DNM3: variants seen among roughly 807,000 people sequenced by gnomAD.
DNM3 encodes dynamin 3.
Under a neutral mutation model 101.6 loss-of-function variants are expected in DNM3, and 47 were observed. That is an observed-to-expected ratio of 0.46 (90% CI 0.37 to 0.59). The LOEUF (loss-of-function observed/expected upper bound fraction) is 0.59, where lower values mean the gene tolerates loss of function less well. Among genes scored for constraint, DNM3 ranks in the 20% least tolerant of loss-of-function variants. The pLI, the probability that DNM3 is intolerant of heterozygous loss-of-function variation, is 0.00. For synonymous variants in DNM3, 385 were observed against 387.9 expected, an observed-to-expected ratio of 0.99 and a Z score of 0.09; for missense variants, 849 against 1,085.7, an observed-to-expected ratio of 0.78 and a Z score of 3.06.
At chr1:172,275,948 A>G (rs1027666925) in intron 15 of DNM3, among the ~76,000 whole-genome samples, 7 of 152,156 alleles carry the variant, frequency 4.6e-5, no homozygotes, top group Admixed American at 4.6e-4. Flanking sequence ...CTGAATTAGT[A>G]ATGTGTAAAA....
At chr1:172,125,796 T>G (rs200155442) in intron 13 of DNM3, among the ~76,000 whole-genome samples, 1 of 152,176 alleles carries the variant, frequency 6.6e-6, no homozygotes, top group African/African-American at 2.4e-5. Flanking sequence ...TAAGTGGCTG[T>G]TGTAGTGGAC....
Position 172,359,037 on chromosome 1 carries a change from T to C in DNM3, c.1894-19981T>C, listed in dbSNP as rs191355957. On this transcript the variant is annotated intron_variant, in intron 17 of 20. Transcript: ENST00000627582. ...TCACTTAGCATGGTGAGATTTCACC[T>C]GGTTGCCCCTCTGGTGGCTCAGACG... Among the ~76,000 whole-genome samples, 3 of 152,032 alleles carry C rather than the reference T, an allele frequency of 2.0e-5. No homozygotes were observed. The East Asian group carries it at 5.8e-4, about 30-fold the overall frequency.
chr1:172,256,488 C>G (rs969080239), intron 15 of DNM3, among the ~76,000 whole-genome samples: 1 of 151,916 alleles, frequency 6.6e-6, no homozygotes, highest in African/African-American at 2.4e-5. Flanking sequence ...ATATATTGCA[C>G]CAACTATTTC....
At chr1:172,249,806 T>G (rs1035395244) in intron 14 of DNM3, among the ~76,000 whole-genome samples, 1 of 152,174 alleles carries the variant, frequency 6.6e-6, no homozygotes. Context: ...CTCCATAACA[T>G]AGAATATTAT....
intron 1 of DNM3, among the ~76,000 whole-genome samples, chr1:171,860,281 C>G (rs894637975): frequency 1.3e-5 from 2 of 152,048 alleles, no homozygotes; most frequent in African/African-American, 2.4e-5. Context: ...GTACATGAAG[C>G]TACTTTTTCA....
intron 4 of DNM3, among the ~76,000 whole-genome samples, chr1:171,994,451 A>G (rs1034632106): frequency 1.3e-5 from 2 of 152,242 alleles, no homozygotes; most frequent in East Asian, 1.9e-4. Flanking sequence ...CTCAATGTGC[A>G]TTTTGGGGTA....
At chr1:171,958,766 A>G (rs1296828946) in intron 2 of DNM3, among the ~76,000 whole-genome samples, 5 of 152,204 alleles carry the variant, frequency 3.3e-5, no homozygotes, top group Non-Finnish European at 5.9e-5. Context: ...GGGGGAGATC[A>G]ATAAATTTTT....
chr1:172,391,580 C>T (rs2069534134), intron 20 of DNM3, among the ~76,000 whole-genome samples: 1 of 152,180 alleles, frequency 6.6e-6, no homozygotes, highest in Non-Finnish European at 1.5e-5. Context: ...TCACCTTATT[C>T]TGTTTGTTTA....
At chr1:172,202,144 A>G (rs2060177142) in intron 14 of DNM3, among the ~76,000 whole-genome samples, 1 of 152,156 alleles carries the variant, frequency 6.6e-6, no homozygotes, top group African/African-American at 2.4e-5. Context: ...ATTCCTCTCC[A>G]TGAGAGGCAT....
At chr1:172,315,449 GA>G (rs1557981404) in intron 16 of DNM3, among the ~76,000 whole-genome samples, 1 of 152,206 alleles carries the variant, frequency 6.6e-6, no homozygotes, top group Non-Finnish European at 1.5e-5. Flanking sequence ...CGAGCTACAG[GA>G]GGAAATTCAA....
chr1:171,899,245 G>C (rs1317437201), intron 1 of DNM3, among the ~76,000 whole-genome samples: 1 of 152,222 alleles, frequency 6.6e-6, no homozygotes, highest in Non-Finnish European at 1.5e-5. Context: ...CACTGGATCT[G>C]TAACTCCTTT....
intron 14 of DNM3, among the ~76,000 whole-genome samples, chr1:172,172,372 G>A (rs2058994336): frequency 1.3e-5 from 2 of 151,478 alleles, no homozygotes; most frequent in Admixed American, 6.6e-5. Context: ...TCTGATAACC[G>A]AGACAGCTAC....
At chr1:172,357,764 C>T (rs2067526335) in intron 17 of DNM3, among the ~76,000 whole-genome samples, 1 of 152,044 alleles carries the variant, frequency 6.6e-6, no homozygotes, top group Admixed American at 6.6e-5. Context: ...TAATTTTCAA[C>T]CTTTTAATAA....
chr1:171,979,299 T>A (rs1289816900), intron 2 of DNM3, among the ~76,000 whole-genome samples: 1 of 152,164 alleles, frequency 6.6e-6, no homozygotes, highest in Non-Finnish European at 1.5e-5. Flanking sequence ...GGAATATAGT[T>A]TATCTTTTAT....
intron 13 of DNM3, among the ~76,000 whole-genome samples, chr1:172,118,898 G>T (rs1347900472): frequency 6.6e-6 from 1 of 152,008 alleles, no homozygotes; most frequent in East Asian, 1.9e-4. Context: ...AAAGACAAAG[G>T]CCTGGCACAG....
At chr1:172,010,435 T>G (rs2047030809) in intron 4 of DNM3, among the ~76,000 whole-genome samples, 1 of 151,806 alleles carries the variant, frequency 6.6e-6, no homozygotes, top group African/African-American at 2.4e-5. Context: ...ATTGCCTTTA[T>G]TTTTAAAATA....
chr1:172,312,469 A>G (rs966750867), intron 16 of DNM3, among the ~76,000 whole-genome samples: 1 of 152,156 alleles, frequency 6.6e-6, no homozygotes, highest in African/African-American at 2.4e-5. Flanking sequence ...GACAGATTTT[A>G]TTTTCTAGTA....
At chr1:171,974,804 A>T (rs1225102508) in intron 2 of DNM3, among the ~76,000 whole-genome samples, 1 of 147,994 alleles carries the variant, frequency 6.8e-6, no homozygotes, top group Non-Finnish European at 1.5e-5. Context: ...TTTTCTTCAT[A>T]CTAAGGACAA....
chr1:172,308,145 C>T (rs1190643912), intron 15 of DNM3, among the ~76,000 whole-genome samples: 2 of 152,142 alleles, frequency 1.3e-5, no homozygotes, highest in African/African-American at 4.8e-5. Context: ...GCATGTATTG[C>T]ATTTTATGTA....
Sources: allele counts gnomAD v4.1 joint callset (sites outside exome capture counted in the v4.1 genomes callset), GRCh38; gene constraint gnomAD v4.1.1; transcripts MANE v1.5; gene names NCBI Gene and HGNC (gene_info 2026-07-23, HGNC 2026-07-21).